CDK14: variants seen among roughly 807,000 people sequenced by gnomAD.
The protein encoded by CDK14 is cyclin-dependent kinase 14.
In CDK14, 34 loss-of-function variants were observed where a neutral mutation model predicts 60.7. That is an observed-to-expected ratio of 0.56 (90% CI 0.43 to 0.75). CDK14 has a LOEUF of 0.75. Among genes scored for constraint, CDK14 ranks in the 30% least tolerant of loss-of-function variants. The pLI is 0.00. For missense variants in CDK14, 482 were observed against 564.1 expected (o/e 0.85, Z 1.47); for synonymous variants, 197 against 203.7 (o/e 0.97, Z 0.28).
At chr7:90,895,615 T>C (rs1192056562) in intron 6 of CDK14, among the ~76,000 whole-genome samples, 2 of 133,856 alleles carry the variant, frequency 1.5e-5, no homozygotes, top group African/African-American at 5.7e-5. Context: ...GGCTGGAGTG[T>C]AGTGGCTTGA....
At chr7:90,718,104 A>G (rs1802316649) in intron 2 of CDK14, among the ~76,000 whole-genome samples, 1 of 152,142 alleles carries the variant, frequency 6.6e-6, no homozygotes, top group Admixed American at 6.6e-5. Flanking sequence ...ATATAAGGGC[A>G]GGACTAGCAT....
Position 90,692,787 on chromosome 7 carries a change from G to A in CDK14, c.124-33780G>A, listed in dbSNP as rs550150833. On this transcript the variant is annotated intron_variant, in intron 2 of 14. Transcript: ENST00000380050. ...TTTGCTAAAATGGGCTATTGTGGTT[G>A]GGTGTGGTGGTTCATGCCTGTAATC... is the stretch of plus-strand genomic sequence containing the variant. 5.4e-5 allele frequency: 21 copies of A among 387,612 alleles called. 1 individual carries two copies. In the Admixed American group the frequency reaches 9.6e-4, roughly 18 times the overall value. The allele number at this position is 387,612 out of a possible 1,614,324, so 24.0% of individuals were successfully genotyped here. A position where few individuals can be genotyped will look rare whatever the true frequency, so the allele number is the denominator to read the frequency against.
intron 2 of CDK14, chr7:90,709,360 C>T (rs1192225731): frequency 2.3e-5 from 30 of 1,309,460 alleles, no homozygotes; most frequent in Non-Finnish European, 3.0e-5. Context: ...CTGGCTTTCT[C>T]CAGTGCTCTT....
At chr7:90,715,810 A>C (rs1217528557) in intron 2 of CDK14, among the ~76,000 whole-genome samples, 1 of 151,818 alleles carries the variant, frequency 6.6e-6, no homozygotes, top group African/African-American at 2.4e-5. Flanking sequence ...AGCTATGGGA[A>C]TTTTGTAGAT....
At chr7:91,031,863 G>A (rs1441131040) in intron 10 of CDK14, among the ~76,000 whole-genome samples, 2 of 152,222 alleles carry the variant, frequency 1.3e-5, no homozygotes, top group Admixed American at 6.5e-5. Flanking sequence ...AGTATGTCCA[G>A]TAGGTCAGCA....
At chr7:90,712,834 TA>T (rs2116653048) in intron 2 of CDK14, among the ~76,000 whole-genome samples, 2 of 152,248 alleles carry the variant, frequency 1.3e-5, no homozygotes, top group East Asian at 3.9e-4. Context: ...CTCCTTTCTC[TA>T]TTTTACTTCA....
intron 14 of CDK14, among the ~76,000 whole-genome samples, chr7:91,177,480 A>C (rs1173368461): frequency 6.6e-6 from 1 of 151,854 alleles, no homozygotes; most frequent in African/African-American, 2.4e-5. Flanking sequence ...CAGGAGAAGG[A>C]AATAAAGGGT....
At chr7:90,709,630 A>G (rs753818376) in intron 2 of CDK14, 134 of 1,545,930 alleles carry the variant, frequency 8.7e-5, no homozygotes, top group Middle Eastern at 5.1e-4. Flanking sequence ...TCGTGTTTGG[A>G]AAAAAAAATT....
chr7:90,740,976 T>C (rs891771442), intron 3 of CDK14, among the ~76,000 whole-genome samples: 2 of 152,204 alleles, frequency 1.3e-5, no homozygotes, highest in Non-Finnish European at 2.9e-5. Context: ...GACAGTGTTA[T>C]GTAGCTCTAG....
chr7:90,865,855 T>A (rs886320486), intron 6 of CDK14, among the ~76,000 whole-genome samples: 14 of 152,146 alleles, frequency 9.2e-5, no homozygotes, highest in African/African-American at 2.9e-4. Context: ...GTTAGGGAGA[T>A]GAAGCAGTTA....
chr7:90,826,073 G>A (rs1263822825), intron 5 of CDK14, among the ~76,000 whole-genome samples: 4 of 152,192 alleles, frequency 2.6e-5, no homozygotes, highest in Non-Finnish European at 5.9e-5. Flanking sequence ...TGAATTGTAT[G>A]TAGAATGTCT....
In CDK14 at chr7:90,639,626, G is replaced by A. The variant is rs559631951; in HGVS notation, c.123+35377G>A. On this transcript the variant is annotated intron_variant, in intron 2 of 14. Transcript: ENST00000380050. ...CAGTCTGCCCGTTCTCAGATCTCCAGCTGCGTGCTGGGAGAACCACTGCTC... is the reference window on the plus strand; with the variant it reads ...CAGTCTGCCCGTTCTCAGATCTCCAACTGCGTGCTGGGAGAACCACTGCTC... Among the ~76,000 whole-genome samples, 200 of 148,700 alleles carry A rather than the reference G, an allele frequency of 1.3e-3. 2 individuals are homozygous for A. Among genetic ancestry groups the A allele is most frequent in the Non-Finnish European group, 2.5e-3 (170 of 67,584 alleles).
At chr7:90,688,808 C>T (rs1801495168) in intron 2 of CDK14, among the ~76,000 whole-genome samples, 1 of 152,144 alleles carries the variant, frequency 6.6e-6, no homozygotes, top group African/African-American at 2.4e-5. Context: ...GAACAGCGTT[C>T]ATATGTAGAA....
At chr7:91,181,683 C>G (rs183287163) in intron 14 of CDK14, among the ~76,000 whole-genome samples, 1 of 152,092 alleles carries the variant, frequency 6.6e-6, no homozygotes, top group African/African-American at 2.4e-5. Flanking sequence ...GAATAGTTTC[C>G]TAATATCCTC....
intron 6 of CDK14, among the ~76,000 whole-genome samples, chr7:90,895,131 A>C (rs1792254054): frequency 6.6e-6 from 1 of 152,082 alleles, no homozygotes; most frequent in Non-Finnish European, 1.5e-5. Flanking sequence ...TTTTTTATTA[A>C]AACAGTCTGA....
At chr7:90,909,342 C>T (rs1452285606) in intron 7 of CDK14, among the ~76,000 whole-genome samples, 2 of 152,118 alleles carry the variant, frequency 1.3e-5, no homozygotes, top group African/African-American at 2.4e-5. Flanking sequence ...AATCCAACAG[C>T]TTGTCTTTAA....
chr7:90,827,797 G>A (rs572426987), intron 5 of CDK14, among the ~76,000 whole-genome samples: 2 of 152,122 alleles, frequency 1.3e-5, no homozygotes, highest in Non-Finnish European at 2.9e-5. Flanking sequence ...AATATATTTG[G>A]TTCTTTTAAA....
At chr7:90,866,143 G>A (rs1791172658) in intron 6 of CDK14, among the ~76,000 whole-genome samples, 1 of 151,688 alleles carries the variant, frequency 6.6e-6, no homozygotes, top group African/African-American at 2.4e-5. Flanking sequence ...ATTACAAAAT[G>A]TGTTTTTAGT....
intron 10 of CDK14, among the ~76,000 whole-genome samples, chr7:91,023,707 G>A (rs1447374245): frequency 2.0e-5 from 3 of 152,092 alleles, no homozygotes; most frequent in Non-Finnish European, 2.9e-5. Context: ...TGGGAAACAG[G>A]TGTTATCATT....
Sources: gnomAD v4.1 joint callset for allele counts (sites outside exome capture counted in the v4.1 genomes callset) on GRCh38, gnomAD v4.1.1 for gene constraint, MANE v1.5 for transcripts, NCBI Gene and HGNC (gene_info 2026-07-23, HGNC 2026-07-21) for gene names.